The following SIK3 variants were observed in gnomAD, a reference collection of about 807,000 sequenced individuals.
SIK3 encodes the protein serine/threonine-protein kinase SIK3.
Under a neutral mutation model 144.2 loss-of-function variants are expected in SIK3, and 28 were observed. That is an observed-to-expected ratio of 0.19 (90% CI 0.14 to 0.27). The LOEUF (loss-of-function observed/expected upper bound fraction) is 0.27. Ranked by LOEUF, SIK3 falls within the 10% of genes least tolerant of loss-of-function variation. The probability of loss-of-function intolerance (pLI) is 1.00; values close to 1 mark genes in which losing one functional copy is unlikely to be tolerated. For missense variants in SIK3, 1,319 were observed against 1,776.0 expected (o/e 0.74, Z 4.62); for synonymous variants, 686 against 676.3 (o/e 1.01, Z -0.22).
intron 14 of SIK3, 101 bp from the exon 15 acceptor site, chr11:116,868,190 G>GC: frequency 1.4e-6 from 2 of 1,449,214 alleles, no homozygotes; most frequent in South Asian, 1.2e-5. Flanking sequence ...ATGAAATAGT[G>GC]CCAGAGCTCA....
chr11:117,053,695 C>A (rs2135923861), intron 1 of SIK3, among the ~76,000 whole-genome samples: 1 of 146,252 alleles, frequency 6.8e-6, no homozygotes, highest in Admixed American at 6.8e-5. Context: ...TACTCTGTCA[C>A]CCAGGCTGGA....
chr11:117,096,590 C>T (rs915439864), intron 1 of SIK3, among the ~76,000 whole-genome samples: 3 of 152,120 alleles, frequency 2.0e-5, no homozygotes, highest in African/African-American at 7.2e-5. Flanking sequence ...TTTGGTATCT[C>T]ATTCAGCTCT....
At chr11:116,883,048 G>A (rs1181301012) in intron 6 of SIK3, among the ~76,000 whole-genome samples, 1 of 152,208 alleles carries the variant, frequency 6.6e-6, no homozygotes, top group East Asian at 1.9e-4. Flanking sequence ...TACACTGCTT[G>A]ATGCTGTTAT....
intron 1 of SIK3, among the ~76,000 whole-genome samples, chr11:116,965,413 T>G (rs1300827765): frequency 6.6e-6 from 1 of 151,972 alleles, no homozygotes; most frequent in African/African-American, 2.4e-5. Context: ...AAAAGAGAGT[T>G]GACAATAAAA....
At chr11:117,029,068 C>T (rs969861877) in intron 1 of SIK3, among the ~76,000 whole-genome samples, 1 of 152,094 alleles carries the variant, frequency 6.6e-6, no homozygotes, top group Non-Finnish European at 1.5e-5. Context: ...GCCACTACGC[C>T]CGGCTAATTT....
At chr11:117,049,849 G>A (rs1953145955) in intron 1 of SIK3, among the ~76,000 whole-genome samples, 2 of 151,782 alleles carry the variant, frequency 1.3e-5, no homozygotes, top group Admixed American at 6.6e-5. Flanking sequence ...TAGCTACCCA[G>A]GAGCTAGGAT....
chr11:117,008,787 T>C (rs547113797), intron 1 of SIK3, among the ~76,000 whole-genome samples: 2 of 152,318 alleles, frequency 1.3e-5, no homozygotes, highest in Non-Finnish European at 2.9e-5. Flanking sequence ...GAAAACTAAA[T>C]TGCAAATAGC....
At chr11:117,012,945 G>A (rs1051906222) in intron 1 of SIK3, among the ~76,000 whole-genome samples, 11 of 135,928 alleles carry the variant, frequency 8.1e-5, no homozygotes, top group East Asian at 2.3e-4. Flanking sequence ...TCTGCCTCCC[G>A]GGTTCACACC....
intron 17 of SIK3, 115 bp downstream of exon 17, chr11:116,862,087 C>T (rs1329987658): frequency 6.7e-7 from 1 of 1,482,064 alleles, no homozygotes; most frequent in East Asian, 2.3e-5. Flanking sequence ...ACATGTCAAC[C>T]ATAAACAGAC....
intron 4 of SIK3, among the ~76,000 whole-genome samples, chr11:116,918,720 A>AACAG (rs1333391352): frequency 3.3e-5 from 5 of 152,228 alleles, no homozygotes; most frequent in Non-Finnish European, 7.3e-5. Flanking sequence ...CCGTAGGCTA[A>AACAG]ATAGGGTGCA....
At chr11:116,862,840 G>A (rs1943424378) in intron 16 of SIK3, among the ~76,000 whole-genome samples, 1 of 152,142 alleles carries the variant, frequency 6.6e-6, no homozygotes, top group Non-Finnish European at 1.5e-5. Context: ...TTGGGAGGCC[G>A]AGACGGGCGG....
chr11:116,862,250 C>T lies in SIK3; in HGVS notation c.2181G>A (p.Met727Ile). 1.2e-6 allele frequency: 2 copies of T among 1,614,244 alleles called. No homozygotes were observed. Among genetic ancestry groups the T allele is most frequent in the Non-Finnish European group, 1.7e-6 (2 of 1,180,046 alleles). ...RTLEKTQQQH[M>I]LYQQEQHHQI... Reference sequence around the variant, plus strand: ...GATGGTGCTGCTCCTGCTGGTATAACATATGCTGCTGCTGGGTCTTCTCCA... The same window carrying T: ...GATGGTGCTGCTCCTGCTGGTATAATATATGCTGCTGCTGGGTCTTCTCCA... Residue 727 changes from methionine (M) to isoleucine (I), a missense_variant, in exon 17 of 25, where the codon ATG (methionine) becomes ATA (isoleucine). By Grantham distance (10) the Met-to-Ile change is conservative. This residue lies in a region of SIK3 where 77 missense variants were observed against 141.9 expected (regional missense o/e 0.54). Transcript: ENST00000445177.
intron 4 of SIK3, among the ~76,000 whole-genome samples, chr11:116,902,936 C>T (rs111865428): frequency 4.3e-4 from 66 of 152,264 alleles, no homozygotes; most frequent in Middle Eastern, 3.4e-3. Flanking sequence ...TATAAATTGA[C>T]GGTTTCATTG....
At position 116,867,808 on chromosome 11, in the gene SIK3, C is replaced by A. The variant is rs1180007824; in HGVS notation, c.1952+138G>T. On this transcript the variant is annotated intron_variant, in intron 15 of 24. Transcript: ENST00000445177. This position sits in a 1 kb window ranked among gnomAD's most constrained non-coding sequence, Gnocchi z 4.1. ...CCTGTGCATTGCTTACTGCAAGGAG[C>A]TGAGAAGATGTGAGTTCAGGATGAC... The A allele has an allele frequency of 1.2e-6, 1 of 868,822 alleles. No homozygotes were observed. The highest frequency in any genetic ancestry group is 1.7e-5 in the African/African-American group (1 of 58,190). 53.8% of individuals were successfully genotyped at this position (868,822 alleles called of 1,614,324 possible). A position where few individuals can be genotyped will look rare whatever the true frequency, so the allele number is the denominator to read the frequency against.
At chr11:116,948,006 C>G (rs1220959617) in intron 3 of SIK3, among the ~76,000 whole-genome samples, 3 of 150,796 alleles carry the variant, frequency 2.0e-5, no homozygotes, top group Non-Finnish European at 4.4e-5. Flanking sequence ...GCAATCATAG[C>G]TCACTGCAAC....
At chr11:117,040,750 G>A (rs1789913628) in intron 1 of SIK3, among the ~76,000 whole-genome samples, 2 of 151,890 alleles carry the variant, frequency 1.3e-5, no homozygotes, top group Non-Finnish European at 2.9e-5. Flanking sequence ...ATAAGATTAG[G>A]GACCAGATTA....
At chr11:117,067,092 C>A (rs116724124) in intron 1 of SIK3, among the ~76,000 whole-genome samples, 5 of 152,052 alleles carry the variant, frequency 3.3e-5, no homozygotes, top group African/African-American at 1.2e-4. Context: ...TAAAATGGTA[C>A]GGCAACTTTG....
At chr11:116,866,140 A>G (rs1318992865) in intron 15 of SIK3, among the ~76,000 whole-genome samples, 2 of 152,124 alleles carry the variant, frequency 1.3e-5, no homozygotes, top group African/African-American at 4.8e-5. Flanking sequence ...AACAGAATAT[A>G]GGGTCTGTGA....
chr11:117,017,187 G>C (rs1409179550), intron 1 of SIK3, among the ~76,000 whole-genome samples: 1 of 152,194 alleles, frequency 6.6e-6, no homozygotes, highest in Admixed American at 6.5e-5. Context: ...AGGCCAGGAG[G>C]CCAAGGCTGC....
Sources: gnomAD v4.1 joint callset for allele counts (sites outside exome capture counted in the v4.1 genomes callset) on GRCh38, gnomAD v4.1.1 for gene constraint, gnomAD v4.1.1 regional missense constraint, Gnocchi (gnomAD v3.1) non-coding constraint, MANE v1.5 for transcripts, NCBI Gene and HGNC (gene_info 2026-07-23, HGNC 2026-07-21) for gene names.